Variants in KCTD8 observed in about 807,000 individuals in gnomAD.
KCTD8 encodes potassium channel tetramerization domain containing 8, also known as BTB/POZ domain-containing protein KCTD8.
KCTD8 carries 27 observed loss-of-function variants against 31.5 expected under a neutral mutation model. The observed-to-expected ratio is 0.86, with a 90% CI of 0.63 to 1.18. KCTD8 has a LOEUF of 1.18. KCTD8 is among the 50% of genes most tolerant of loss of function. KCTD8 has a pLI of 0.00. For missense variants in KCTD8, 658 were observed against 647.7 expected, an observed-to-expected ratio of 1.02 and a Z score of -0.17; for synonymous variants, 290 against 280.0, an observed-to-expected ratio of 1.04 and a Z score of -0.36.
Position 44,341,134 on chromosome 4 carries a change from T to C in KCTD8, c.961+106429A>G, listed in dbSNP as rs1345308845. The stretch of plus-strand genomic sequence containing the variant: ...AGCATATTAATGTTATTATTTATAC[T>C]GTACTACAGTTTATTAAATATGCAA... On this transcript the variant is annotated intron_variant, in intron 1 of 1. Transcript: ENST00000360029. Among the ~76,000 whole-genome samples the C allele has an allele frequency of 2.0e-5, 3 of 152,216 alleles. No homozygotes were observed. In the South Asian group the frequency reaches 6.2e-4, roughly 32 times the overall value.
At chr4:44,271,835 T>C (rs1716613621) in intron 1 of KCTD8, among the ~76,000 whole-genome samples, 2 of 152,208 alleles carry the variant, frequency 1.3e-5, no homozygotes, top group South Asian at 4.1e-4. Context: ...AATAAGTATG[T>C]GGGTAAATCT....
chr4:44,208,717 C>T (rs184825274), intron 1 of KCTD8, among the ~76,000 whole-genome samples: 1 of 152,198 alleles, frequency 6.6e-6, no homozygotes, highest in East Asian at 1.9e-4. Context: ...ATTCATATGT[C>T]CTCATAATAC....
chr4:44,187,748 T>A (rs1474477148), intron 1 of KCTD8, among the ~76,000 whole-genome samples: 1 of 152,136 alleles, frequency 6.6e-6, no homozygotes, highest in Non-Finnish European at 1.5e-5. Context: ...CTACAACATG[T>A]CTGGTGGCTC....
intron 1 of KCTD8, among the ~76,000 whole-genome samples, chr4:44,244,921 G>A (rs1227894256): frequency 6.7e-6 from 1 of 150,250 alleles, no homozygotes; most frequent in Non-Finnish European, 1.5e-5. Flanking sequence ...TTGTTAATCT[G>A]TCTTTTAACA....
At chr4:44,200,915 ACT>A (rs34318054) in intron 1 of KCTD8, among the ~76,000 whole-genome samples, 32,438 of 151,832 alleles carry the variant, frequency 0.21, 3,590 homozygotes, top group South Asian at 0.32. Context: ...ATCACTAAAG[ACT>A]CTGCCAAAAG....
chr4:44,378,651 A>G (rs1412945884), intron 1 of KCTD8, among the ~76,000 whole-genome samples: 1 of 152,114 alleles, frequency 6.6e-6, no homozygotes, highest in East Asian at 1.9e-4. Context: ...AATTGAAAAA[A>G]CAATGAAACA....
intron 1 of KCTD8, among the ~76,000 whole-genome samples, chr4:44,200,883 A>T (rs1351083005): frequency 6.6e-6 from 1 of 150,642 alleles, no homozygotes; most frequent in Non-Finnish European, 1.5e-5. Context: ...CTCTTTGCTG[A>T]TGATATGATC....
intron 1 of KCTD8, among the ~76,000 whole-genome samples, chr4:44,259,469 G>GA (rs1310198993): frequency 1.3e-5 from 2 of 151,646 alleles, no homozygotes; most frequent in South Asian, 2.1e-4. Context: ...AATGGAACAG[G>GA]AAAAAAATAG....
intron 1 of KCTD8, among the ~76,000 whole-genome samples, chr4:44,240,077 C>T (rs1177359070): frequency 6.6e-6 from 1 of 152,174 alleles, no homozygotes. Flanking sequence ...TATCGGGACC[C>T]ACTGCCAGTC....
At chr4:44,415,786 A>G (rs1274050184) in intron 1 of KCTD8, among the ~76,000 whole-genome samples, 5 of 152,248 alleles carry the variant, frequency 3.3e-5, no homozygotes, top group African/African-American at 7.2e-5. Flanking sequence ...GACGTGCTGG[A>G]AAGTCTAAAT....
chr4:44,254,067 T>C (rs1268591246), intron 1 of KCTD8, among the ~76,000 whole-genome samples: 2 of 151,846 alleles, frequency 1.3e-5, no homozygotes, highest in Admixed American at 1.3e-4. Context: ...ATAAGGAAAA[T>C]AGAAGATATA....
intron 1 of KCTD8, among the ~76,000 whole-genome samples, chr4:44,198,151 C>T (rs1714005353): frequency 6.6e-6 from 1 of 151,974 alleles, no homozygotes; most frequent in Non-Finnish European, 1.5e-5. Flanking sequence ...AAATATGGGA[C>T]TATGTAAAAA....
chr4:44,336,149 C>CAAAAAAAAAAAAAA (rs58161667), intron 1 of KCTD8, among the ~76,000 whole-genome samples: 1 of 46,522 alleles, frequency 2.1e-5, no homozygotes, highest in Non-Finnish European at 3.8e-5. Context: ...GACTCCGTCT[C>CAAAAAAAAAAAAAA]AAAAAAAAAA....
intron 1 of KCTD8, among the ~76,000 whole-genome samples, chr4:44,390,711 A>G (rs2109449909): frequency 6.6e-6 from 1 of 152,018 alleles, no homozygotes; most frequent in Middle Eastern, 3.4e-3. Flanking sequence ...AAGAATGGCT[A>G]TAATCAATAA....
intron 1 of KCTD8, among the ~76,000 whole-genome samples, chr4:44,223,422 T>G (rs1714863646): frequency 6.6e-6 from 1 of 152,234 alleles, no homozygotes; most frequent in Non-Finnish European, 1.5e-5. Context: ...ACATTTCTAA[T>G]AACAGCATGA....
chr4:44,237,320 C>T (rs902538151), intron 1 of KCTD8, among the ~76,000 whole-genome samples: 1 of 152,128 alleles, frequency 6.6e-6, no homozygotes, highest in African/African-American at 2.4e-5. Flanking sequence ...GTATCTCTCC[C>T]TCCCTTCCTC....
chr4:44,444,797 G>A (rs1047436289), intron 1 of KCTD8, among the ~76,000 whole-genome samples: 15 of 145,454 alleles, frequency 1.0e-4, no homozygotes, highest in Non-Finnish European at 1.9e-4. Context: ...GGGTGACGGG[G>A]GTTGGGGGGG....
chr4:44,430,092 A>T (rs1721437602), intron 1 of KCTD8, among the ~76,000 whole-genome samples: 2 of 151,820 alleles, frequency 1.3e-5, no homozygotes, highest in African/African-American at 4.8e-5. Context: ...TAGAAGTCTT[A>T]GCAGAGAATC....
chr4:44,436,976 C>T (rs1459455068), intron 1 of KCTD8, among the ~76,000 whole-genome samples: 2 of 151,872 alleles, frequency 1.3e-5, no homozygotes, highest in Non-Finnish European at 2.9e-5. Flanking sequence ...GAGCCTTCAA[C>T]CCTAAATATT....
Sources: allele counts gnomAD v4.1 joint callset (sites outside exome capture counted in the v4.1 genomes callset), GRCh38; gene constraint gnomAD v4.1.1; transcripts MANE v1.5; gene names NCBI Gene and HGNC (gene_info 2026-07-23, HGNC 2026-07-21).